C1GALT1: variants seen among roughly 807,000 people sequenced by gnomAD.
C1GALT1 encodes the protein glycoprotein-N-acetylgalactosamine 3-beta-galactosyltransferase 1.
In C1GALT1, 11 loss-of-function variants were observed where a neutral mutation model predicts 31.0. The observed-to-expected ratio is 0.36, with a 90% CI of 0.22 to 0.59. The LOEUF is 0.59. C1GALT1 is among the 20% of genes least tolerant of loss of function. C1GALT1 has a pLI of 0.79. For missense variants in C1GALT1, 424 were observed against 425.2 expected (o/e 1.00, Z 0.03); for synonymous variants, 175 against 143.6 (o/e 1.22, Z -1.56).
rs1158165635 is a variant in C1GALT1, at chr7:7,244,882, ATACT to A, written c.*1158_*1161del. 2 of 152,228 alleles carry A rather than the reference ATACT, an allele frequency of 1.3e-5. No individual in the cohort carries two copies. Among genetic ancestry groups the A allele is most frequent in the African/African-American group, 2.4e-5 (1 of 41,454 alleles). 9.4% of individuals were successfully genotyped at this position (152,228 alleles called of 1,614,324 possible). On this transcript the variant is annotated 3_prime_UTR_variant, in exon 4 of 4. Coordinates refer to ENST00000436587, the MANE Select transcript of C1GALT1 (RefSeq NM_020156.5). Reference sequence around the variant, plus strand: ...AAAATGTTATATTTTGAAAGAGTAGATACTTAATTTATAAATAACAGTCTGAAGG... The same window carrying A: ...AAAATGTTATATTTTGAAAGAGTAGATAATTTATAAATAACAGTCTGAAGG...
intron 1 of C1GALT1, among the ~76,000 whole-genome samples, chr7:7,197,927 G>C (rs1781369466): frequency 1.3e-5 from 2 of 152,198 alleles, no homozygotes; most frequent in Non-Finnish European, 2.9e-5. Flanking sequence ...ATCAGCTTGA[G>C]ATATTGGGCT....
chr7:7,207,197 T>C (rs1254450534), intron 1 of C1GALT1, among the ~76,000 whole-genome samples: 1 of 152,072 alleles, frequency 6.6e-6, no homozygotes, highest in Non-Finnish European at 1.5e-5. Flanking sequence ...GTTCACTGAT[T>C]CTTTTTTTCT....
intron 1 of C1GALT1, among the ~76,000 whole-genome samples, chr7:7,214,810 C>T (rs747655746): frequency 6.6e-6 from 1 of 152,188 alleles, no homozygotes; most frequent in African/African-American, 2.4e-5. Context: ...ATGATAATAG[C>T]CACTTCCCAT....
chr7:7,173,112 G>A (rs758631656), intron 2 of C1GALT1, among the ~76,000 whole-genome samples: 13 of 152,106 alleles, frequency 8.5e-5, no homozygotes, highest in Non-Finnish European at 1.6e-4. Context: ...AATCCCCAAT[G>A]TTGGAGGTGG....
At chr7:7,171,525 C>T (rs969928748) in intron 2 of C1GALT1, among the ~76,000 whole-genome samples, 4 of 152,092 alleles carry the variant, frequency 2.6e-5, no homozygotes, top group Admixed American at 6.6e-5. Flanking sequence ...TTACAGACAG[C>T]ATTTATCCAT....
intron 1 of C1GALT1, among the ~76,000 whole-genome samples, chr7:7,197,292 A>T (rs532063691): frequency 1.3e-5 from 2 of 152,350 alleles, no homozygotes; most frequent in East Asian, 3.9e-4. Context: ...CATTTATTAA[A>T]TAGGGAATCC....
intron 1 of C1GALT1, among the ~76,000 whole-genome samples, chr7:7,231,933 T>C (rs903072022): frequency 2.0e-5 from 3 of 152,200 alleles, no homozygotes; most frequent in African/African-American, 7.2e-5. Context: ...GTTGTAAAGA[T>C]TGGTCTATTT....
intron 1 of C1GALT1, among the ~76,000 whole-genome samples, chr7:7,208,336 C>A (rs962595678): frequency 6.6e-6 from 1 of 152,010 alleles, no homozygotes; most frequent in Non-Finnish European, 1.5e-5. Context: ...GCCTAATTTA[C>A]AAATTAGACT....
intron 1 of C1GALT1, among the ~76,000 whole-genome samples, chr7:7,186,037 CA>C (rs1780798254): frequency 7.7e-6 from 1 of 130,176 alleles, no homozygotes; most frequent in Non-Finnish European, 1.6e-5. Context: ...AGTCCTGGTT[CA>C]GGGGGCCACA....
Position 7,245,907 on chromosome 7 carries a change from T to C in C1GALT1, c.*2180T>C, listed in dbSNP as rs1489088629. The C allele has an allele frequency of 6.6e-6, 1 of 152,208 alleles. No homozygotes were observed. The highest frequency in any genetic ancestry group is 2.4e-5 in the African/African-American group (1 of 41,448). The allele number at this position is 152,208 out of a possible 1,614,324, so 9.4% of individuals were successfully genotyped here. On this transcript the variant is annotated 3_prime_UTR_variant, in exon 4 of 4. Transcript: ENST00000436587. Reference sequence around the variant, plus strand: ...TCTGTGTCTCAATTTCCTCATCTTTTAATTAGGGATGATAATACTACCTAC... The same window carrying C: ...TCTGTGTCTCAATTTCCTCATCTTTCAATTAGGGATGATAATACTACCTAC...
In C1GALT1 at chr7:7,207,428, C is replaced by T. The variant is rs868578858; in HGVS notation, c.-18+24608C>T. 9.7e-5 allele frequency among the ~76,000 whole-genome samples: 14 copies of T among 144,186 alleles called. No individual in the cohort carries two copies. In the South Asian group the frequency reaches 2.5e-3, roughly 26 times the overall value. The allele number at this position is 144,186 out of a possible 152,430, so 94.6% of individuals were successfully genotyped here. ...CTGGGCTCAAGCAATCCTCCCATCC[C>T]AGCTTCCTGGGTAGCTGGGACTGTA... On this transcript the variant is annotated intron_variant, in intron 1 of 3. Transcript: ENST00000436587.
rs1208079006 is a variant in C1GALT1, at chr7:7,204,119, G to GT, written c.-18+21310dup. ...TCTGTTTTTTTTTTTTTGTTTTTTT[G>GT]TTTTTTTTTTTGGAAAAGTTTGAGA... On this transcript the variant is annotated intron_variant, in intron 1 of 3. Transcript: ENST00000436587. 9.2e-3 allele frequency among the ~76,000 whole-genome samples: 1,053 copies of GT among 115,020 alleles called. 3 individuals carry two copies. Among genetic ancestry groups the GT allele is most frequent in the African/African-American group, 0.015 (477 of 31,496 alleles). The allele number at this position is 115,020 out of a possible 152,430, so 75.5% of individuals were successfully genotyped here.
intron 1 of C1GALT1, among the ~76,000 whole-genome samples, chr7:7,209,946 G>T (rs1336796692): frequency 6.6e-6 from 1 of 152,144 alleles, no homozygotes; most frequent in Non-Finnish European, 1.5e-5. Flanking sequence ...GCGGGCAGGG[G>T]CGGGGGACAC....
chr7:7,216,043 C>G (rs1782224588), intron 1 of C1GALT1, among the ~76,000 whole-genome samples: 2 of 151,850 alleles, frequency 1.3e-5, no homozygotes, highest in African/African-American at 2.4e-5. Context: ...GCTAAAAGAT[C>G]TGAGTTGATC....
At chr7:7,160,865 C>G (rs551197547) in intron 2 of C1GALT1, among the ~76,000 whole-genome samples, 6 of 152,086 alleles carry the variant, frequency 3.9e-5, no homozygotes, top group African/African-American at 1.4e-4. Flanking sequence ...GGACTTGGAA[C>G]TATAGCTGAA....
At chr7:7,188,307 G>A (rs1342478097) in intron 1 of C1GALT1, among the ~76,000 whole-genome samples, 1 of 152,140 alleles carries the variant, frequency 6.6e-6, no homozygotes, top group African/African-American at 2.4e-5. Flanking sequence ...AAGGTAAAAT[G>A]AGCAGAGGAA....
At chr7:7,193,826 T>C (rs530106600) in intron 1 of C1GALT1, among the ~76,000 whole-genome samples, 1 of 152,290 alleles carries the variant, frequency 6.6e-6, no homozygotes. Flanking sequence ...TGTGTTTCCA[T>C]TTGTTTGTGT....
intron 1 of C1GALT1, among the ~76,000 whole-genome samples, chr7:7,221,867 A>G (rs911504325): frequency 1.3e-5 from 2 of 152,162 alleles, no homozygotes; most frequent in African/African-American, 4.8e-5. Flanking sequence ...CTGTTTTGCC[A>G]ATGTACATGC....
chr7:7,213,780 C>G (rs867393681), intron 1 of C1GALT1, among the ~76,000 whole-genome samples: 14 of 152,180 alleles, frequency 9.2e-5, no homozygotes, highest in African/African-American at 3.4e-4. Flanking sequence ...AGGTAAAAAT[C>G]TTTACAAACC....
Sources: gnomAD v4.1 joint callset for allele counts (sites outside exome capture counted in the v4.1 genomes callset) on GRCh38, gnomAD v4.1.1 for gene constraint, MANE v1.5 for transcripts, NCBI Gene and HGNC (gene_info 2026-07-23, HGNC 2026-07-21) for gene names.